CADM2: variants seen among roughly 807,000 people sequenced by gnomAD.
The protein encoded by CADM2 is cell adhesion molecule 2.
A neutral mutation model predicts 49.8 loss-of-function variants in CADM2; 12 were observed. That is an observed-to-expected ratio of 0.24 (90% CI 0.15 to 0.39). The LOEUF is 0.39. CADM2 is among the 10% of genes least tolerant of loss of function. CADM2 has a pLI of 1.00. For missense variants in CADM2, 378 were observed against 492.3 expected (o/e 0.77, Z 2.20); for synonymous variants, 214 against 175.4 (o/e 1.22, Z -1.74).
At chr3:85,365,264 A>G (rs2032685246) in intron 1 of CADM2, among the ~76,000 whole-genome samples, 1 of 149,642 alleles carries the variant, frequency 6.7e-6, no homozygotes, top group South Asian at 2.1e-4. Flanking sequence ...AGGCACATTA[A>G]AATGAAGGCT....
chr3:85,359,775 G>A (rs1166818355), intron 1 of CADM2, among the ~76,000 whole-genome samples: 1 of 147,574 alleles, frequency 6.8e-6, no homozygotes, highest in Non-Finnish European at 1.5e-5. Flanking sequence ...CTTTGTGTCT[G>A]CAGCCTTGTC....
At chr3:85,964,381 G>A (rs1222882995) in intron 8 of CADM2, among the ~76,000 whole-genome samples, 3 of 151,478 alleles carry the variant, frequency 2.0e-5, no homozygotes, top group African/African-American at 7.3e-5. Context: ...TTAACTTGAT[G>A]GAGTTCTGAG....
chr3:85,274,877 C>T (rs376648198), intron 1 of CADM2, among the ~76,000 whole-genome samples: 19 of 151,318 alleles, frequency 1.3e-4, no homozygotes, highest in African/African-American at 4.6e-4. Flanking sequence ...GGAGTTTTCT[C>T]AAGTAGAGAC....
At chr3:85,635,084 T>C (rs1295870686) in intron 1 of CADM2, among the ~76,000 whole-genome samples, 1 of 152,102 alleles carries the variant, frequency 6.6e-6, no homozygotes, top group African/African-American at 2.4e-5. Flanking sequence ...AAATGAATGC[T>C]AGTTGACAAA....
intron 1 of CADM2, among the ~76,000 whole-genome samples, chr3:85,576,482 A>G (rs757155801): frequency 2.6e-5 from 4 of 152,216 alleles, no homozygotes; most frequent in Admixed American, 1.3e-4. Context: ...AGTGCTTCCC[A>G]AAGTCACCTT....
At chr3:85,167,008 A>AGTTCT (rs2040487908) in intron 1 of CADM2, among the ~76,000 whole-genome samples, 1 of 152,110 alleles carries the variant, frequency 6.6e-6, no homozygotes, top group Admixed American at 6.6e-5. Flanking sequence ...GTTAAGGCAT[A>AGTTCT]TGCCTTAGTT....
In CADM2 at chr3:85,325,688, CAA is replaced by C. The variant is rs35096319; in HGVS notation, c.61+366039_61+366040del. 7.3e-3 allele frequency among the ~76,000 whole-genome samples: 675 copies of C among 92,662 alleles called. 2 individuals carry two copies. Among genetic ancestry groups the C allele is most frequent in the Middle Eastern group, 0.019 (3 of 162 alleles). The allele number at this position is 92,662 out of a possible 152,430, so 60.8% of individuals were successfully genotyped here. A position where few individuals can be genotyped will look rare whatever the true frequency, so the allele number is the denominator to read the frequency against. ...CTGGGCCACAGGAGCAAGACTCCAT[CAA>C]AAAAAAAAAAAAAAAAAAGTGTGAA... is the stretch of plus-strand genomic sequence containing the variant. On this transcript the variant is annotated intron_variant, in intron 1 of 9. Coordinates refer to ENST00000383699, the MANE Select transcript of CADM2 (RefSeq NM_001167675.2).
At chr3:85,239,875 A>T (rs1299446649) in intron 1 of CADM2, among the ~76,000 whole-genome samples, 1 of 151,458 alleles carries the variant, frequency 6.6e-6, no homozygotes, top group East Asian at 1.9e-4. Flanking sequence ...ATCAGTGCAC[A>T]CTGAAATTTA....
At chr3:85,152,201 T>C (rs935946415) in intron 1 of CADM2, among the ~76,000 whole-genome samples, 1 of 152,178 alleles carries the variant, frequency 6.6e-6, no homozygotes, top group Non-Finnish European at 1.5e-5. Flanking sequence ...TATAATTTAA[T>C]ACTACTCTAT....
intron 1 of CADM2, among the ~76,000 whole-genome samples, chr3:85,680,533 T>A (rs546725184): frequency 6.6e-6 from 1 of 152,316 alleles, no homozygotes; most frequent in African/African-American, 2.4e-5. Flanking sequence ...TCTTGGCAGC[T>A]TTATGTGCTC....
At chr3:85,087,018 A>T (rs1048886884) in intron 1 of CADM2, among the ~76,000 whole-genome samples, 1 of 152,180 alleles carries the variant, frequency 6.6e-6, no homozygotes, top group Admixed American at 6.6e-5. Flanking sequence ...AGTTAAAGAA[A>T]AAAGAAGAGT....
intron 1 of CADM2, among the ~76,000 whole-genome samples, chr3:85,636,659 T>C (rs1262551013): frequency 6.6e-6 from 1 of 152,236 alleles, no homozygotes; most frequent in Admixed American, 6.5e-5. Flanking sequence ...CATCCTGTCC[T>C]GAAAGCCCCA....
At chr3:85,491,392 C>A (rs2039662615) in intron 1 of CADM2, among the ~76,000 whole-genome samples, 1 of 151,944 alleles carries the variant, frequency 6.6e-6, no homozygotes, top group Admixed American at 6.6e-5. Flanking sequence ...GAATTTATGT[C>A]CATAAAAGTA....
At chr3:85,448,771 C>T (rs1240271075) in intron 1 of CADM2, among the ~76,000 whole-genome samples, 2 of 151,972 alleles carry the variant, frequency 1.3e-5, no homozygotes, top group Non-Finnish European at 2.9e-5. Context: ...AAAAATTCGG[C>T]CGGGCGTGGT....
intron 1 of CADM2, among the ~76,000 whole-genome samples, chr3:85,128,052 T>C (rs2039096579): frequency 6.6e-6 from 1 of 152,198 alleles, no homozygotes; most frequent in African/African-American, 2.4e-5. Flanking sequence ...GGTGGTATAG[T>C]AGAGATAGAG....
chr3:84,974,948 G>A (rs949097991), intron 1 of CADM2, among the ~76,000 whole-genome samples: 2 of 151,924 alleles, frequency 1.3e-5, no homozygotes, highest in African/African-American at 2.4e-5. Flanking sequence ...TTGATTTAGT[G>A]TAAAATGCTG....
At chr3:85,098,762 G>T (rs955156445) in intron 1 of CADM2, among the ~76,000 whole-genome samples, 4 of 152,136 alleles carry the variant, frequency 2.6e-5, no homozygotes, top group African/African-American at 7.2e-5. Context: ...GTTACCCTGT[G>T]CATATGCTTG....
At chr3:85,358,815 A>T (rs1479708163) in intron 1 of CADM2, among the ~76,000 whole-genome samples, 1 of 152,124 alleles carries the variant, frequency 6.6e-6, no homozygotes, top group East Asian at 1.9e-4. Context: ...GATAACTTTA[A>T]GAGGTTGTTT....
At chr3:85,377,039 T>C (rs549817553) in intron 1 of CADM2, among the ~76,000 whole-genome samples, 13 of 152,122 alleles carry the variant, frequency 8.5e-5, no homozygotes, top group Non-Finnish European at 1.8e-4. Flanking sequence ...GAATCTGACC[T>C]AGTTTACATT....
Sources: allele counts gnomAD v4.1 joint callset (sites outside exome capture counted in the v4.1 genomes callset), GRCh38; gene constraint gnomAD v4.1.1; transcripts MANE v1.5; gene names NCBI Gene and HGNC (gene_info 2026-07-23, HGNC 2026-07-21).